Variants in ESYT2 observed in about 807,000 individuals in gnomAD.
ESYT2 encodes extended synaptotagmin 2, also known as extended synaptotagmin-2.
In ESYT2, 54 loss-of-function variants were observed where a neutral mutation model predicts 107.2. That is an observed-to-expected ratio of 0.50 (90% confidence interval 0.40 to 0.63). The LOEUF (loss-of-function observed/expected upper bound fraction) is 0.63. Among genes scored for constraint, ESYT2 ranks in the 30% least tolerant of loss-of-function variants. The pLI, the probability that ESYT2 is intolerant of heterozygous loss-of-function variation, is 0.00. For missense variants in ESYT2, 1,020 were observed against 1,094.5 expected (o/e 0.93, Z 0.96); for synonymous variants, 491 against 434.1 (o/e 1.13, Z -1.63).
chr7:158,744,333 A>G (rs905667955), intron 16 of ESYT2: 2 of 152,176 alleles, frequency 1.3e-5, no homozygotes, highest in African/African-American at 4.8e-5. Context: ...ATAATGACCA[A>G]TCGGTTCGGA....
At chr7:158,773,318 C>T in intron 7 of ESYT2, 23 bp downstream of exon 7, 1 of 1,614,034 alleles carries the variant, frequency 6.2e-7, no homozygotes, top group Non-Finnish European at 8.5e-7. Flanking sequence ...CGCTAAGCCT[C>T]CGGGACCAGA....
intron 3 of ESYT2, among the ~76,000 whole-genome samples, chr7:158,796,782 C>T (rs1350737876): frequency 1.3e-5 from 2 of 151,544 alleles, no homozygotes; most frequent in Non-Finnish European, 2.9e-5. Flanking sequence ...AAAGGCACCG[C>T]GGCGGGAGGC....
At chr7:158,798,305 G>A (rs1008342709) in intron 2 of ESYT2, among the ~76,000 whole-genome samples, 2 of 152,166 alleles carry the variant, frequency 1.3e-5, no homozygotes, top group African/African-American at 4.8e-5. Flanking sequence ...GGTTAAATAT[G>A]TCAGCACATT....
rs759286602 is a variant in ESYT2, at chr7:158,829,101, G to A, written c.318C>T (p.Asp106=). The A allele has an allele frequency of 2.3e-5, 36 of 1,583,144 alleles. No homozygotes were observed. Among genetic ancestry groups the A allele is most frequent in the Admixed American group, 3.4e-5 (2 of 58,728 alleles). The change falls in exon 1 of 23, where the codon GAC becomes GAT. Residue 106 remains aspartate, a synonymous_variant. Coordinates refer to ENST00000275418, the MANE Select transcript of ESYT2 (RefSeq NM_001367773.1). ...RVVRLGVRAC[D]LPAWVHFPDT... ...GGTCTGCACTCACCCAGGCGGGCAG[G>A]TCGCAGGCGCGCACCCCCAGGCGCA...
In ESYT2 at chr7:158,743,548, T is replaced by C. The variant is rs774018670; in HGVS notation, c.1775A>G (p.Lys592Arg). The C allele has an allele frequency of 1.2e-6, 2 of 1,611,836 alleles. No individual in the cohort carries two copies. The highest frequency in any genetic ancestry group is 1.7e-6 in the Non-Finnish European group (2 of 1,179,270). Residue 592 changes from lysine (K) to arginine (R), a missense_variant, in exon 17 of 23, where the codon AAG becomes AGG. Lys to Arg is a conservative substitution (Grantham distance 26). Transcript: ENST00000275418. ...LSNSGPNSTI[K>R]MKIALRVLHL... ...CGATACCCGCAGGGCAATCTTCATC[T>C]TGATGGTGCTGTTTGGACCCGAGTT...
At chr7:158,772,123 A>G (rs1838395723) in intron 7 of ESYT2, among the ~76,000 whole-genome samples, 1 of 148,192 alleles carries the variant, frequency 6.7e-6, no homozygotes, top group Admixed American at 6.7e-5. Context: ...TTCCATCTCA[A>G]AAAAAAAAAA....
At chr7:158,822,044 A>T (rs1019164724) in intron 1 of ESYT2, among the ~76,000 whole-genome samples, 1 of 151,982 alleles carries the variant, frequency 6.6e-6, no homozygotes, top group Non-Finnish European at 1.5e-5. Context: ...TGTAAATATG[A>T]AGACAGGATG....
rs537590444 is a variant in ESYT2, at chr7:158,741,864, T to C, written c.1827A>G (p.Pro609=). The C allele has an allele frequency of 1.2e-6, 2 of 1,610,016 alleles. No individual in the cohort carries two copies. Among genetic ancestry groups the C allele is most frequent in the African/African-American group, 1.3e-5 (1 of 74,746 alleles). The change falls in exon 18 of 23, where the codon CCA becomes CCG. Residue 609 remains proline, a synonymous_variant. Transcript: ENST00000275418. ...VLHLEKRERP[P]DHQHSAQVKR... is the part of the protein sequence containing the mutation. Reference sequence around the variant, plus strand: ...TGACTTGAGCTGAGTGTTGGTGGTCTGGAGGCCTTTCTCGCTTTTCGAGAT... The same window carrying C: ...TGACTTGAGCTGAGTGTTGGTGGTCCGGAGGCCTTTCTCGCTTTTCGAGAT...
chr7:158,828,354 C>G (rs558188211), intron 1 of ESYT2, among the ~76,000 whole-genome samples: 1 of 152,234 alleles, frequency 6.6e-6, no homozygotes, highest in East Asian at 1.9e-4. Flanking sequence ...GGAATGCGCA[C>G]GAGAATCGCG....
At chr7:158,766,718 G>A (rs1283674559) in intron 8 of ESYT2, among the ~76,000 whole-genome samples, 2 of 152,212 alleles carry the variant, frequency 1.3e-5, no homozygotes, top group South Asian at 4.1e-4. Flanking sequence ...CATATCCACT[G>A]AAACAGGACC....
At chr7:158,773,904 A>G (rs1838461078) in intron 6 of ESYT2, among the ~76,000 whole-genome samples, 1 of 152,236 alleles carries the variant, frequency 6.6e-6, no homozygotes. Context: ...ACCAAAAACA[A>G]TACTAAAAGC....
chr7:158,771,164 G>A (rs1328956413), intron 7 of ESYT2, among the ~76,000 whole-genome samples: 2 of 152,186 alleles, frequency 1.3e-5, no homozygotes, highest in Non-Finnish European at 2.9e-5. Flanking sequence ...CAAACTGTAG[G>A]CTTGCCGGGG....
intron 1 of ESYT2, among the ~76,000 whole-genome samples, chr7:158,822,853 T>A (rs2129474338): frequency 6.6e-6 from 1 of 152,302 alleles, no homozygotes; most frequent in Non-Finnish European, 1.5e-5. Flanking sequence ...CCTAACCCTT[T>A]CATTAACTCT....
At chr7:158,765,800 GATAAA>G (rs1427693206) in intron 8 of ESYT2, among the ~76,000 whole-genome samples, 1 of 151,830 alleles carries the variant, frequency 6.6e-6, no homozygotes, top group African/African-American at 2.4e-5. Context: ...TTGTTTTATT[GATAAA>G]ATAAAAAAAA....
intron 13 of ESYT2, among the ~76,000 whole-genome samples, chr7:158,756,075 C>T (rs935509258): frequency 1.1e-4 from 16 of 152,240 alleles, no homozygotes; most frequent in Admixed American, 2.6e-4. Context: ...TTGCCCCCTA[C>T]GCTCCCCCTA....
chr7:158,783,623 A>T (rs927035553), intron 6 of ESYT2, among the ~76,000 whole-genome samples: 1 of 152,190 alleles, frequency 6.6e-6, no homozygotes, highest in African/African-American at 2.4e-5. Flanking sequence ...GCTCTGAGGG[A>T]GGAGAGGCAG....
chr7:158,782,869 T>C (rs1838962778), intron 6 of ESYT2, among the ~76,000 whole-genome samples: 1 of 151,666 alleles, frequency 6.6e-6, no homozygotes, highest in African/African-American at 2.4e-5. Flanking sequence ...AGAGAACGAG[T>C]GTGTGGGAAG....
intron 1 of ESYT2, among the ~76,000 whole-genome samples, chr7:158,809,230 C>A (rs989830523): frequency 3.3e-5 from 5 of 151,922 alleles, no homozygotes; most frequent in African/African-American, 1.2e-4. Context: ...GTAATCCCAG[C>A]ACTTTGGGAG....
chr7:158,736,081 T>A (rs1464240907), intron 20 of ESYT2, among the ~76,000 whole-genome samples: 6 of 152,242 alleles, frequency 3.9e-5, no homozygotes, highest in Non-Finnish European at 7.3e-5. Flanking sequence ...GCACTCCCGA[T>A]GCTCAGCCAG....
Sources: allele counts gnomAD v4.1 joint callset (sites outside exome capture counted in the v4.1 genomes callset), GRCh38; gene constraint gnomAD v4.1.1; transcripts MANE v1.5; gene names NCBI Gene and HGNC (gene_info 2026-07-23, HGNC 2026-07-21).